LPAR1: variants seen among roughly 807,000 people sequenced by gnomAD.
The protein encoded by LPAR1 is LPA receptor 1.
LPAR1 carries 5 observed loss-of-function variants against 23.8 expected under a neutral mutation model. The ratio of observed to expected loss-of-function variants is 0.21; its 90% CI spans 0.11 to 0.44. The LOEUF (loss-of-function observed/expected upper bound fraction) is 0.44. Among genes scored for constraint, LPAR1 ranks in the 20% least tolerant of loss-of-function variants. The pLI is 0.99. For missense variants in LPAR1, 311 were observed against 482.8 expected (o/e 0.64, Z 3.33); for synonymous variants, 160 against 164.7 (o/e 0.97, Z 0.22).
chr9:111,010,518 G>C (rs957756332), intron 2 of LPAR1, among the ~76,000 whole-genome samples: 4 of 152,116 alleles, frequency 2.6e-5, no homozygotes, highest in African/African-American at 9.7e-5. Context: ...AGGTGAATTA[G>C]AGGCAAAAAG....
intron 2 of LPAR1, among the ~76,000 whole-genome samples, chr9:110,986,135 A>G (rs990845332): frequency 1.3e-5 from 2 of 152,128 alleles, no homozygotes; most frequent in Non-Finnish European, 2.9e-5. Context: ...TTGTGTGTGC[A>G]TGCCATGACC....
chr9:110,995,982 A>C (rs1361812930), intron 2 of LPAR1, among the ~76,000 whole-genome samples: 2 of 152,152 alleles, frequency 1.3e-5, no homozygotes, highest in African/African-American at 4.8e-5. Context: ...TTTTTAATAA[A>C]CTATGAGGAG....
intron 2 of LPAR1, among the ~76,000 whole-genome samples, chr9:111,019,958 T>C (rs2097532185): frequency 6.6e-6 from 1 of 152,148 alleles, no homozygotes; most frequent in Non-Finnish European, 1.5e-5. Flanking sequence ...TGGTGAGGGC[T>C]CTCCTTTTGG....
chr9:110,905,600 A>G (rs900053658), intron 5 of LPAR1, among the ~76,000 whole-genome samples: 3 of 151,918 alleles, frequency 2.0e-5, no homozygotes, highest in Non-Finnish European at 4.4e-5. Flanking sequence ...TGATCCGCCC[A>G]CCTCGGCCTC....
chr9:110,940,449 C>T (rs574947999), intron 5 of LPAR1, among the ~76,000 whole-genome samples: 50 of 152,244 alleles, frequency 3.3e-4, no homozygotes, highest in African/African-American at 1.2e-3. Context: ...CATTGAATTT[C>T]TGTGGGGAAA....
At chr9:110,894,531 T>C (rs960208399) in intron 5 of LPAR1, among the ~76,000 whole-genome samples, 1 of 152,154 alleles carries the variant, frequency 6.6e-6, no homozygotes, top group African/African-American at 2.4e-5. Context: ...AATGTGGATA[T>C]TTTGGGTGAA....
intron 5 of LPAR1, among the ~76,000 whole-genome samples, chr9:110,911,974 C>A (rs920050527): frequency 2.0e-5 from 3 of 152,106 alleles, no homozygotes; most frequent in African/African-American, 7.2e-5. Flanking sequence ...AGCAGAAAGG[C>A]TAGGGAGACA....
intron 2 of LPAR1, among the ~76,000 whole-genome samples, chr9:111,017,953 A>T (rs2097487668): frequency 6.6e-6 from 1 of 152,098 alleles, no homozygotes; most frequent in African/African-American, 2.4e-5. Context: ...CAGGAGGTGG[A>T]GGTTGCAGTG....
intron 2 of LPAR1, among the ~76,000 whole-genome samples, chr9:111,030,723 G>A (rs987489050): frequency 3.3e-5 from 5 of 152,116 alleles, no homozygotes; most frequent in Admixed American, 6.5e-5. Flanking sequence ...TCTTATTCCC[G>A]TTTACAATAG....
chr9:111,029,812 A>G lies in LPAR1; in HGVS notation c.-182+6310T>C, dbSNP rs1309593285. Among the ~76,000 whole-genome samples the G allele has an allele frequency of 3.3e-5, 5 of 151,936 alleles. No individual in the cohort carries two copies. In the East Asian group the frequency reaches 9.8e-4, roughly 30 times the overall value. On this transcript the variant is annotated intron_variant, in intron 2 of 5. Coordinates refer to ENST00000683809, the MANE Select transcript of LPAR1 (RefSeq NM_001351411.2). The stretch of plus-strand genomic sequence containing the variant: ...GGGCCTGTAAACCCAGCACTTTGAG[A>G]GGCCGAGGCGGGTGGTTCACTTGAG...
At chr9:110,932,579 GACCAGTAACAGTCC>G (rs1205651097) in intron 5 of LPAR1, among the ~76,000 whole-genome samples, 1 of 152,228 alleles carries the variant, frequency 6.6e-6, no homozygotes, top group Non-Finnish European at 1.5e-5. Context: ...CCAGGCCATG[GACCAGTAACAGTCC>G]ATAGCCTGTT....
intron 5 of LPAR1, among the ~76,000 whole-genome samples, chr9:110,904,873 G>C (rs1383218963): frequency 6.6e-6 from 1 of 152,190 alleles, no homozygotes; most frequent in Non-Finnish European, 1.5e-5. Flanking sequence ...AAAACTGTAA[G>C]AAAGTTCACA....
intron 5 of LPAR1, among the ~76,000 whole-genome samples, chr9:110,905,331 C>A (rs1261744365): frequency 1.4e-5 from 2 of 142,514 alleles, no homozygotes; most frequent in African/African-American, 5.1e-5. Flanking sequence ...ACAAAATATG[C>A]CTTTGCTTTT....
At chr9:110,979,841 C>A (rs914781906) in intron 2 of LPAR1, among the ~76,000 whole-genome samples, 12 of 151,988 alleles carry the variant, frequency 7.9e-5, no homozygotes, top group African/African-American at 2.9e-4. Context: ...AAAAGGAATT[C>A]CTGGCATAAT....
intron 2 of LPAR1, among the ~76,000 whole-genome samples, chr9:111,025,023 T>C (rs980754283): frequency 7.2e-5 from 11 of 152,220 alleles, no homozygotes; most frequent in Admixed American, 6.5e-5. Context: ...TGTGCATGTG[T>C]CTTTATAGTA....
chr9:110,878,823 A>G (rs1332354699), intron 5 of LPAR1, among the ~76,000 whole-genome samples: 4 of 152,208 alleles, frequency 2.6e-5, no homozygotes, highest in Non-Finnish European at 5.9e-5. Context: ...TGTTTTGGAC[A>G]AGAAAGAGCT....
chr9:110,994,002 C>G (rs982139982), intron 2 of LPAR1, among the ~76,000 whole-genome samples: 1 of 152,194 alleles, frequency 6.6e-6, no homozygotes, highest in Non-Finnish European at 1.5e-5. Flanking sequence ...GACTCAAACA[C>G]TTCCCTAGAA....
chr9:110,931,840 G>A (rs1411320261), intron 5 of LPAR1, among the ~76,000 whole-genome samples: 2 of 152,172 alleles, frequency 1.3e-5, no homozygotes, highest in Admixed American at 1.3e-4. Flanking sequence ...GTAGATATGT[G>A]GCATTATTTC....
intron 5 of LPAR1, among the ~76,000 whole-genome samples, chr9:110,937,826 T>C (rs73539561): frequency 1.6e-3 from 246 of 152,274 alleles, no homozygotes; most frequent in African/African-American, 5.8e-3. Context: ...ATCATTTTGA[T>C]GAAGTGAAAA....
Sources: allele counts gnomAD v4.1 joint callset (sites outside exome capture counted in the v4.1 genomes callset), GRCh38; gene constraint gnomAD v4.1.1; transcripts MANE v1.5; gene names NCBI Gene and HGNC (gene_info 2026-07-23, HGNC 2026-07-21).